SPSB1: variants seen among roughly 807,000 people sequenced by gnomAD.
SPSB1 encodes SPRY domain-containing SOCS box protein 1.
Under a neutral mutation model 21.2 loss-of-function variants are expected in SPSB1, and 8 were observed. The observed-to-expected ratio is 0.38, with a 90% CI of 0.22 to 0.68. The LOEUF is 0.68. Ranked by LOEUF, SPSB1 falls within the 30% of genes least tolerant of loss-of-function variation. SPSB1 has a pLI of 0.53. For synonymous variants in SPSB1, 169 were observed against 161.7 expected (o/e 1.05, Z -0.34); for missense variants, 242 against 377.8 (o/e 0.64, Z 2.98).
In SPSB1 at chr1:9,346,490, C is replaced by T. The variant is rs1640168218; in HGVS notation, c.-149-9253C>T. 6.6e-6 allele frequency among the ~76,000 whole-genome samples: 1 copy of T among 152,178 alleles called. No homozygotes were observed. The highest frequency in any genetic ancestry group is 1.5e-5 in the Non-Finnish European group (1 of 68,030). On this transcript the variant is annotated intron_variant, in intron 1 of 2. Transcript: ENST00000328089. The surrounding 1 kb of genome is among the most constrained non-coding windows in gnomAD (Gnocchi z 4.4). ...AAAGAGGGTGTAGCCGTTCCTTCAA[C>T]AGACCTCTTCCTAAAACACCACCAC...
intron 1 of SPSB1, among the ~76,000 whole-genome samples, chr1:9,298,392 GAATGAATGAGTGAACGAATGAATGAATA>G (rs1260932192): frequency 3.0e-4 from 35 of 115,324 alleles, no homozygotes; most frequent in African/African-American, 1.4e-3. Context: ...ATGAGTGAAT[GAATGAATGAGTGAACGAATGAATGAATA>G]AGTGAACGAA....
At chr1:9,355,659 G>A in intron 1 of SPSB1, 84 bp from the exon 2 acceptor site, 1 of 1,269,962 alleles carries the variant, frequency 7.9e-7, no homozygotes, top group Non-Finnish European at 1.0e-6. Flanking sequence ...GGGACATGCT[G>A]ATGTGGTCGC....
Position 9,363,797 on chromosome 1 carries a change from T to C in SPSB1, c.695-3651T>C, listed in dbSNP as rs1163781414. Among the ~76,000 whole-genome samples, 1 of 151,710 alleles carries C rather than the reference T, an allele frequency of 6.6e-6. No homozygotes were observed. The highest frequency in any genetic ancestry group is 1.5e-5 in the Non-Finnish European group (1 of 67,946). On this transcript the variant is annotated intron_variant, in intron 2 of 2. Coordinates refer to ENST00000328089, the MANE Select transcript of SPSB1 (RefSeq NM_025106.4). This position sits in a 1 kb window ranked among gnomAD's most constrained non-coding sequence, Gnocchi z 4.5. ...TCACTGCAAACCTCTGCCTCCCAGG[T>C]TCAAGCAATCCTCCTGCCTCAAACT...
Position 9,356,197 on chromosome 1 carries a change from C to A in SPSB1, c.306C>A (p.Ile102=), listed in dbSNP as rs774139927. 3 of 1,589,454 alleles carry A rather than the reference C, an allele frequency of 1.9e-6. No individual in the cohort carries two copies. Among genetic ancestry groups the A allele is most frequent in the East Asian group, 4.5e-5 (2 of 44,628 alleles). The change falls in exon 2 of 3, where the codon ATC becomes ATA. Residue 102 remains isoleucine (I), a synonymous_variant. Transcript: ENST00000328089. The surrounding 1 kb of genome is among the most constrained non-coding windows in gnomAD (Gnocchi z 7.4). ...GYTRGLHVWQ[I]TWAMRQRGTH... ...CCCGTGGGCTGCACGTGTGGCAGAT[C>A]ACGTGGGCCATGAGACAGCGGGGCA...
chr1:9,364,979 G>A (rs928943049), intron 2 of SPSB1, among the ~76,000 whole-genome samples: 1 of 152,138 alleles, frequency 6.6e-6, no homozygotes. Flanking sequence ...AGCCTCCCGA[G>A]TAGCCGGGAC....
intron 1 of SPSB1, among the ~76,000 whole-genome samples, chr1:9,309,453 A>G (rs369146415): frequency 0.014 from 2,059 of 151,934 alleles, 44 homozygotes; most frequent in African/African-American, 0.047. Flanking sequence ...GAGTAGCGGG[A>G]ATTATAGGTA....
At chr1:9,306,751 G>A (rs1019031213) in intron 1 of SPSB1, among the ~76,000 whole-genome samples, 7 of 152,070 alleles carry the variant, frequency 4.6e-5, no homozygotes, top group Non-Finnish European at 1.0e-4. Flanking sequence ...CTGTGGCTGG[G>A]TAAATAGGCT....
chr1:9,332,692 C>T (rs1423426102), intron 1 of SPSB1, among the ~76,000 whole-genome samples: 1 of 152,150 alleles, frequency 6.6e-6, no homozygotes, highest in East Asian at 1.9e-4. Context: ...GAGAGTGAGT[C>T]AGATACTGTC....
At chr1:9,344,654 A>G (rs1356470642) in intron 1 of SPSB1, among the ~76,000 whole-genome samples, 1 of 151,690 alleles carries the variant, frequency 6.6e-6, no homozygotes, top group Non-Finnish European at 1.5e-5. Context: ...CTATGGTGAC[A>G]TCATGAACGC....
In SPSB1 at chr1:9,367,566, C is replaced by T; in HGVS notation, c.813C>T (p.Leu271=). 6.2e-7 allele frequency: 1 copy of T among 1,608,098 alleles called. No homozygotes were observed. The highest frequency in any genetic ancestry group is 8.5e-7 in the Non-Finnish European group (1 of 1,176,030). Residue 271 remains leucine, a synonymous_variant, in exon 3 of 3, where the codon CTC becomes CTT. Coordinates refer to ENST00000328089, the MANE Select transcript of SPSB1 (RefSeq NM_025106.4). The surrounding 1 kb of genome is among the most constrained non-coding windows in gnomAD (Gnocchi z 5.9). ...PLPASLKAYL[L]YQ is the part of the protein sequence containing the mutation. ...CGGCTTCCCTCAAGGCCTACCTCCT[C>T]TACCAGTGACGTTCGCCATCATACC...
At chr1:9,329,409 G>T (rs1298702076) in intron 1 of SPSB1, among the ~76,000 whole-genome samples, 1 of 152,056 alleles carries the variant, frequency 6.6e-6, no homozygotes, top group Non-Finnish European at 1.5e-5. Flanking sequence ...ACCCGGTGGT[G>T]GGTAGGTCAG....
intron 2 of SPSB1, among the ~76,000 whole-genome samples, chr1:9,365,108 C>T (rs1427370502): frequency 7.9e-5 from 12 of 152,144 alleles, no homozygotes; most frequent in African/African-American, 2.4e-4. Flanking sequence ...GCGCCGGCCT[C>T]GGCCTCCCGA....
At chr1:9,352,266 T>C (rs1243943189) in intron 1 of SPSB1, among the ~76,000 whole-genome samples, 5 of 152,152 alleles carry the variant, frequency 3.3e-5, no homozygotes, top group Admixed American at 3.3e-4. Flanking sequence ...GGTGAAGCCG[T>C]CCTTTCTGGT....
At chr1:9,365,404 A>T in intron 2 of SPSB1, among the ~76,000 whole-genome samples, 1 of 152,198 alleles carries the variant, frequency 6.6e-6, no homozygotes, top group East Asian at 1.9e-4. Context: ...GGTATGAGCC[A>T]CTGTGCCTGA....
chr1:9,296,241 T>C (rs1414436683), intron 1 of SPSB1, among the ~76,000 whole-genome samples: 1 of 152,202 alleles, frequency 6.6e-6, no homozygotes, highest in Non-Finnish European at 1.5e-5. Flanking sequence ...ATGGGCTTCC[T>C]GAGGACCCTG....
At chr1:9,331,658 C>T (rs141080108) in intron 1 of SPSB1, among the ~76,000 whole-genome samples, 512 of 152,140 alleles carry the variant, frequency 3.4e-3, no homozygotes, top group Middle Eastern at 0.017. Flanking sequence ...GCTCACGCAC[C>T]AGGGGTGGAA....
chr1:9,349,625 G>A (rs969867084), intron 1 of SPSB1, among the ~76,000 whole-genome samples: 4 of 152,236 alleles, frequency 2.6e-5, no homozygotes. Flanking sequence ...GACATGTCCT[G>A]AGCGAGTGTC....
chr1:9,315,944 G>T (rs1373634827), intron 1 of SPSB1, among the ~76,000 whole-genome samples: 2 of 152,214 alleles, frequency 1.3e-5, no homozygotes, highest in Non-Finnish European at 2.9e-5. Flanking sequence ...TTTCACGCGT[G>T]CGGCTCCGGG....
At chr1:9,336,560 A>G (rs1044217343) in intron 1 of SPSB1, among the ~76,000 whole-genome samples, 5 of 152,160 alleles carry the variant, frequency 3.3e-5, no homozygotes, top group Non-Finnish European at 7.3e-5. Flanking sequence ...CCCCCAAAGC[A>G]AAAGGAAGAA....
Sources: allele counts gnomAD v4.1 joint callset (sites outside exome capture counted in the v4.1 genomes callset), GRCh38; gene constraint gnomAD v4.1.1; non-coding constraint Gnocchi (gnomAD v3.1); transcripts MANE v1.5; gene names NCBI Gene and HGNC (gene_info 2026-07-23, HGNC 2026-07-21).